C19orf18: variants seen among roughly 807,000 people sequenced by gnomAD.
C19orf18 encodes uncharacterized protein C19orf18.
C19orf18 carries 21 observed loss-of-function variants against 23.3 expected under a neutral mutation model. The observed-to-expected ratio is 0.90, with a 90% CI of 0.64 to 1.30. C19orf18 has a LOEUF of 1.30. C19orf18 is among the 50% of genes most tolerant of loss of function. C19orf18 has a pLI of 0.00. For missense variants in C19orf18, 249 were observed against 259.6 expected, an observed-to-expected ratio of 0.96 and a Z score of 0.28; for synonymous variants, 96 against 95.2, an observed-to-expected ratio of 1.01 and a Z score of -0.05.
chr19:57,966,589 A>C lies in C19orf18; in HGVS notation c.312T>G (p.Ile104Met). ...HRPALVKVIL[I>M]SSVAFSIALI... ...GGGCAATGCTGAAGGCTACGCTCGA[A>C]ATTAAAATTACTTTAACAAGAGCAG... Residue 104 changes from isoleucine to methionine, a missense_variant, in exon 4 of 6, where the codon ATT (isoleucine) becomes ATG (methionine). By Grantham distance (10) the Ile-to-Met change is conservative (BLOSUM62 1). Coordinates refer to ENST00000314391, the MANE Select transcript of C19orf18 (RefSeq NM_152474.5). 2.5e-6 allele frequency: 4 copies of C among 1,613,488 alleles called. No individual in the cohort carries two copies. The highest frequency in any genetic ancestry group is 3.4e-6 in the Non-Finnish European group (4 of 1,179,534).
At chr19:57,967,959 C>T (rs913337226) in intron 3 of C19orf18, among the ~76,000 whole-genome samples, 2 of 152,058 alleles carry the variant, frequency 1.3e-5, no homozygotes, top group African/African-American at 4.8e-5. Flanking sequence ...TTGCAGTGAG[C>T]CGAGATCGTG....
At position 57,958,632 on chromosome 19, in the gene C19orf18, C is replaced by T. The variant is rs745844222; in HGVS notation, c.618G>A (p.Ala206=). ...AGTCTTCCATTTTTCCATTATGTGA[C>T]GCATTCTTTGTTTTGTTTTCTGTTA... ...NSVTENKTKN[A]SHNGKMEDL is the part of the protein sequence containing the mutation. Residue 206 remains alanine (A), a synonymous_variant, in exon 6 of 6, where the codon GCG becomes GCA. Coordinates refer to ENST00000314391, the MANE Select transcript of C19orf18 (RefSeq NM_152474.5). 16 of 1,607,494 alleles carry T rather than the reference C, an allele frequency of 1.0e-5. No individual in the cohort carries two copies. In the African/African-American group the frequency reaches 1.6e-4, roughly 16 times the overall value.
At chr19:57,963,416 G>A (rs2072886852) in intron 4 of C19orf18, among the ~76,000 whole-genome samples, 1 of 152,074 alleles carries the variant, frequency 6.6e-6, no homozygotes, top group Non-Finnish European at 1.5e-5. Flanking sequence ...ACAGAGATAG[G>A]ATCCAAACAG....
chr19:57,966,272 C>G (rs566135581), intron 4 of C19orf18, among the ~76,000 whole-genome samples: 1 of 152,088 alleles, frequency 6.6e-6, no homozygotes. Flanking sequence ...CCACCATGCC[C>G]GGCGTAATAT....
chr19:57,972,593 G>A, intron 2 of C19orf18, 89 bp from the exon 3 acceptor site: 1 of 1,424,380 alleles, frequency 7.0e-7, no homozygotes, highest in Non-Finnish European at 9.8e-7. Context: ...CTTAGCATTA[G>A]AGAAGGACGC....
At chr19:57,963,676 AG>A (rs1397534386) in intron 4 of C19orf18, among the ~76,000 whole-genome samples, 1 of 152,076 alleles carries the variant, frequency 6.6e-6, no homozygotes, top group Non-Finnish European at 1.5e-5. Context: ...TCACGAGGTC[AG>A]GAGATTGAGA....
At chr19:57,967,708 C>T (rs1209542279) in intron 3 of C19orf18, among the ~76,000 whole-genome samples, 5 of 148,362 alleles carry the variant, frequency 3.4e-5, no homozygotes, top group Admixed American at 6.7e-5. Context: ...GGTGAGATTG[C>T]GCCATTACAC....
At chr19:57,965,613 C>A (rs767042875) in intron 4 of C19orf18, among the ~76,000 whole-genome samples, 1 of 152,026 alleles carries the variant, frequency 6.6e-6, no homozygotes, top group Admixed American at 6.6e-5. Context: ...GGCATGGTGG[C>A]GTATGCCTGC....
chr19:57,965,297 G>A (rs2123224014), intron 4 of C19orf18, among the ~76,000 whole-genome samples: 2 of 152,056 alleles, frequency 1.3e-5, no homozygotes, highest in Admixed American at 1.3e-4. Flanking sequence ...ACTACGCCCA[G>A]CTAATTTTTG....
chr19:57,974,371 T>A lies in C19orf18; in HGVS notation c.62A>T (p.His21Leu). Residue 21 changes from histidine to leucine, a missense_variant, in exon 1 of 6, where the codon CAT (histidine) becomes CTT (leucine). Physicochemically the swap from His to Leu is moderately conservative, Grantham distance 99. Transcript: ENST00000314391. ...LFLFLMECQLHLCLPYADGLH... is the reference protein window; with the variant it reads ...LFLFLMECQLLLCLPYADGLH... ...TCCATCTGCATACGGCAAGCATAAA[T>A]GAAGTTGGCATTCCATTAAAAACAA... 6.2e-7 allele frequency: 1 copy of A among 1,614,172 alleles called. No homozygotes were observed. The highest frequency in any genetic ancestry group is 8.5e-7 in the Non-Finnish European group (1 of 1,180,014).
chr19:57,971,797 T>C (rs1004503291), intron 3 of C19orf18, among the ~76,000 whole-genome samples: 1 of 152,144 alleles, frequency 6.6e-6, no homozygotes, highest in Admixed American at 6.5e-5. Context: ...GCTCACACTT[T>C]CCTGGCTCCC....
In C19orf18 at chr19:57,974,326, A is replaced by T. The variant is rs889169859; in HGVS notation, c.107T>A (p.Ile36Lys). The T allele has an allele frequency of 2.5e-6, 4 of 1,614,024 alleles. No homozygotes were observed. In the Admixed American group the frequency reaches 6.7e-5, roughly 27 times the overall value. Residue 36 changes from isoleucine (I) to lysine (K), a missense_variant, in exon 1 of 6, where the codon ATA becomes AAA. Physicochemically the swap from Ile to Lys is moderately radical, Grantham distance 102 (BLOSUM62 -3). Coordinates refer to ENST00000314391, the MANE Select transcript of C19orf18 (RefSeq NM_152474.5). ...YADGLHPTGNITGLPGSKRSQ... is the reference protein window; with the variant it reads ...YADGLHPTGNKTGLPGSKRSQ... Reference sequence around the variant, plus strand: ...GTTGAAGCTACCTGGTAAGCCTGTTATGTTTCCAGTGGGATGGAGTCCATC... The same window carrying T: ...GTTGAAGCTACCTGGTAAGCCTGTTTTGTTTCCAGTGGGATGGAGTCCATC...
At chr19:57,965,117 T>TCTTATTTA (rs1555787183) in intron 4 of C19orf18, among the ~76,000 whole-genome samples, 1 of 145,938 alleles carries the variant, frequency 6.9e-6, no homozygotes, top group African/African-American at 2.5e-5. Flanking sequence ...GTTCTTTTTA[T>TCTTATTTA]TTTATTTATT....
intron 3 of C19orf18, 81 bp downstream of exon 3, chr19:57,972,382 C>A: frequency 6.5e-7 from 1 of 1,534,686 alleles, no homozygotes; most frequent in South Asian, 1.2e-5. Context: ...TGGTGACCAG[C>A]CAGCACCCTC....
At chr19:57,965,117 T>TTTTATTTTATTTATTTA (rs1555787184) in intron 4 of C19orf18, among the ~76,000 whole-genome samples, 5 of 146,038 alleles carry the variant, frequency 3.4e-5, no homozygotes, top group African/African-American at 1.3e-4. Flanking sequence ...GTTCTTTTTA[T>TTTTATTTTATTTATTTA]TTTATTTATT....
At chr19:57,963,526 C>T (rs2072887398) in intron 4 of C19orf18, among the ~76,000 whole-genome samples, 1 of 152,056 alleles carries the variant, frequency 6.6e-6, no homozygotes, top group African/African-American at 2.4e-5. Context: ...TTCCAAAACA[C>T]TTAAGAAGTT....
At position 57,960,450 on chromosome 19, in the gene C19orf18, T is replaced by G. The variant is rs553205862; in HGVS notation, c.532+941A>C. ...CAAAAAAAAAAAAAAAAAAAAGAAC[T>G]TCTACAAAATCAGTTTTAAATAATC... On this transcript the variant is annotated intron_variant, in intron 5 of 5. Transcript: ENST00000314391. Among the ~76,000 whole-genome samples the G allele has an allele frequency of 2.0e-5, 3 of 149,464 alleles. No individual in the cohort carries two copies. In the East Asian group the frequency reaches 5.9e-4, roughly 29 times the overall value.
intron 4 of C19orf18, among the ~76,000 whole-genome samples, chr19:57,962,553 T>C (rs1426748743): frequency 1.3e-5 from 2 of 152,050 alleles, no homozygotes; most frequent in Non-Finnish European, 2.9e-5. Flanking sequence ...GTGAATTATA[T>C]ATTAAAAAAA....
At position 57,963,466 on chromosome 19, in the gene C19orf18, A is replaced by C. The variant is rs555118671; in HGVS notation, c.372-1915T>G. Among the ~76,000 whole-genome samples the C allele has an allele frequency of 3.9e-5, 6 of 152,338 alleles. No homozygotes were observed. In the East Asian group the frequency reaches 1.2e-3, roughly 29 times the overall value. ...ACAGGGGAGCTTGAGTCAAAAGGAA[A>C]GGTGTGAGTCCCTATACACGTTTTA... On this transcript the variant is annotated intron_variant, in intron 4 of 5. Transcript: ENST00000314391.
Sources: allele counts gnomAD v4.1 joint callset (sites outside exome capture counted in the v4.1 genomes callset), GRCh38; gene constraint gnomAD v4.1.1; transcripts MANE v1.5; gene names NCBI Gene and HGNC (gene_info 2026-07-23, HGNC 2026-07-21).